The following RMND1 variants were observed in gnomAD, a reference collection of about 807,000 sequenced individuals.
The protein encoded by RMND1 is required for meiotic nuclear division 1 homolog.
A neutral mutation model predicts 54.0 loss-of-function variants in RMND1; 41 were observed. The observed-to-expected ratio is 0.76, with a 90% CI of 0.59 to 0.98. RMND1 has a LOEUF of 0.98. Among genes scored for constraint, RMND1 ranks in the 50% least tolerant of loss-of-function variants. RMND1 has a pLI of 0.00. For missense variants in RMND1, 457 were observed against 532.0 expected, an observed-to-expected ratio of 0.86 and a Z score of 1.39; for synonymous variants, 183 against 181.7, an observed-to-expected ratio of 1.01 and a Z score of -0.06.
intron 10 of RMND1, among the ~76,000 whole-genome samples, chr6:151,408,102 T>TG (rs1421682475): frequency 6.6e-6 from 1 of 151,548 alleles, no homozygotes; most frequent in East Asian, 1.9e-4. Context: ...GTGGGGTTAT[T>TG]GGGGGATGAA....
chr6:151,445,495 C>G lies in RMND1; in HGVS notation c.317G>C (p.Arg106Thr), dbSNP rs1363042587. 1.2e-6 allele frequency: 2 copies of G among 1,614,200 alleles called. No individual in the cohort carries two copies. Among genetic ancestry groups the G allele is most frequent in the Non-Finnish European group, 1.7e-6 (2 of 1,180,012 alleles). The change falls in exon 2 of 12, where the codon AGA becomes ACA. Residue 106 changes from arginine (R) to threonine (T), a missense_variant. Physicochemically the swap from Arg to Thr is moderately conservative, Grantham distance 71. Coordinates refer to ENST00000444024, the MANE Select transcript of RMND1 (RefSeq NM_017909.4). Reference sequence around the variant, plus strand: ...CAACAGATTTGGTTTGTGGGTCACTCTCCTGTGAGTACCAAAGGATTTCAT... The same window carrying G: ...CAACAGATTTGGTTTGTGGGTCACTGTCCTGTGAGTACCAAAGGATTTCAT... Reference protein sequence around the residue: ...PTMKSFGTHRRVTHKPNLLGS... With the variant: ...PTMKSFGTHRTVTHKPNLLGS...
chr6:151,449,266 G>C (rs1473558420), intron 1 of RMND1, among the ~76,000 whole-genome samples: 1 of 151,446 alleles, frequency 6.6e-6, no homozygotes, highest in African/African-American at 2.4e-5. Flanking sequence ...TTACTCGGGA[G>C]GCCAAGGCAG....
At chr6:151,412,204 G>GT (rs1779863714) in intron 10 of RMND1, among the ~76,000 whole-genome samples, 1 of 152,118 alleles carries the variant, frequency 6.6e-6, no homozygotes, top group Admixed American at 6.5e-5. Context: ...GTTTCACCAT[G>GT]TTAGCCACGC....
At chr6:151,410,932 A>G (rs1396473711) in intron 10 of RMND1, among the ~76,000 whole-genome samples, 1 of 152,104 alleles carries the variant, frequency 6.6e-6, no homozygotes, top group Non-Finnish European at 1.5e-5. Flanking sequence ...ATTCAGTTCT[A>G]GTTCTTCCTG....
At chr6:151,436,655 TC>T in intron 2 of RMND1, 101 bp from the exon 3 acceptor site, 1 of 1,106,682 alleles carries the variant, frequency 9.0e-7, no homozygotes, top group Non-Finnish European at 1.3e-6. Context: ...AAGCTAGAAC[TC>T]CAGAATTTTC....
chr6:151,436,869 A>C, intron 2 of RMND1: 1 of 191,910 alleles, frequency 5.2e-6, no homozygotes, highest in Non-Finnish European at 1.0e-5. Context: ...GAGATGATTA[A>C]GGCATCACAT....
At chr6:151,441,808 T>A (rs774786728) in intron 2 of RMND1, among the ~76,000 whole-genome samples, 3 of 152,098 alleles carry the variant, frequency 2.0e-5, no homozygotes, top group African/African-American at 7.2e-5. Context: ...ATACTTTATA[T>A]AAAAAACCCA....
intron 1 of RMND1, among the ~76,000 whole-genome samples, chr6:151,450,596 C>CCCGGCCAGCCGCCCCGT (rs1361498609): frequency 6.0e-4 from 88 of 146,416 alleles, no homozygotes; most frequent in African/African-American, 2.1e-3. Context: ...CAGCCCCCCG[C>CCCGGCCAGCCGCCCCGT]CCGGCCAGCC....
chr6:151,432,226 C>G (rs766801469), intron 4 of RMND1, among the ~76,000 whole-genome samples: 1 of 152,144 alleles, frequency 6.6e-6, no homozygotes, highest in Non-Finnish European at 1.5e-5. Flanking sequence ...CATAAGCCAC[C>G]GTGCCCAGCC....
chr6:151,406,957 G>A (rs991654599), intron 10 of RMND1, among the ~76,000 whole-genome samples: 29 of 151,930 alleles, frequency 1.9e-4, no homozygotes, highest in Non-Finnish European at 3.7e-4. Flanking sequence ...CTCAGGAGTT[G>A]GAGACCAGCC....
At chr6:151,429,347 C>G (rs1334898138) in intron 5 of RMND1, among the ~76,000 whole-genome samples, 1 of 152,178 alleles carries the variant, frequency 6.6e-6, no homozygotes, top group Non-Finnish European at 1.5e-5. Flanking sequence ...TCTCGAACTC[C>G]TGGCCTCAAG....
At chr6:151,431,610 G>A (rs1359834775) in intron 4 of RMND1, among the ~76,000 whole-genome samples, 1 of 152,184 alleles carries the variant, frequency 6.6e-6, no homozygotes, top group Admixed American at 6.5e-5. Context: ...GCTGTGCAAT[G>A]TGGTACTCAG....
At chr6:151,433,803 C>T (rs1780513004) in intron 3 of RMND1, among the ~76,000 whole-genome samples, 1 of 151,980 alleles carries the variant, frequency 6.6e-6, no homozygotes, top group African/African-American at 2.4e-5. Context: ...ACTGCAGCCA[C>T]CTGCAACTAT....
rs151235918 is a variant in RMND1, at chr6:151,407,689, C to T, written c.1201-1853G>A. On this transcript the variant is annotated intron_variant, in intron 10 of 11. Transcript: ENST00000444024. ...TCGGGAGGCTGGGGCAGGAGGATCACGAGGTCAGGAGATCAAGACCATCCT... is the reference window on the plus strand; with the variant it reads ...TCGGGAGGCTGGGGCAGGAGGATCATGAGGTCAGGAGATCAAGACCATCCT... Among the ~76,000 whole-genome samples, 60 of 152,140 alleles carry T rather than the reference C, an allele frequency of 3.9e-4. 1 individual carries two copies. In the East Asian group the frequency reaches 0.01, roughly 27 times the overall value.
chr6:151,428,067 G>A (rs1780352677), intron 5 of RMND1, among the ~76,000 whole-genome samples: 1 of 152,122 alleles, frequency 6.6e-6, no homozygotes, highest in Non-Finnish European at 1.5e-5. Context: ...GGTGGCGGTT[G>A]CAGTGAGCCA....
chr6:151,406,972 C>A (rs1779647035), intron 10 of RMND1, among the ~76,000 whole-genome samples: 1 of 151,942 alleles, frequency 6.6e-6, no homozygotes, highest in South Asian at 2.1e-4. Context: ...CCAGCCTGGG[C>A]AACACAGTGA....
intron 6 of RMND1, among the ~76,000 whole-genome samples, chr6:151,427,153 C>T (rs778369886): frequency 1.1e-4 from 16 of 151,840 alleles, no homozygotes; most frequent in African/African-American, 2.7e-4. Context: ...CTGAGGTGGG[C>T]GGATCACCAG....
intron 10 of RMND1, among the ~76,000 whole-genome samples, chr6:151,406,719 C>G (rs1458436971): frequency 6.6e-6 from 1 of 152,092 alleles, no homozygotes; most frequent in African/African-American, 2.4e-5. Flanking sequence ...ATCCTGAAAG[C>G]AAAATTTTAA....
In RMND1 at chr6:151,405,133, G is replaced by A. The variant is rs976866345; in HGVS notation, c.*102C>T. On this transcript the variant is annotated 3_prime_UTR_variant, in exon 12 of 12. Coordinates refer to ENST00000444024, the MANE Select transcript of RMND1 (RefSeq NM_017909.4). Reference sequence around the variant, plus strand: ...AAGCCACCCTTCTTGGCCTCCGAAAGTGCTGGGATTACAGGCATGAGGCAC... The same window carrying A: ...AAGCCACCCTTCTTGGCCTCCGAAAATGCTGGGATTACAGGCATGAGGCAC... The A allele has an allele frequency of 3.0e-6, 3 of 1,015,656 alleles. No homozygotes were observed. The highest frequency in any genetic ancestry group is 2.5e-5 in the East Asian group (1 of 40,660). 62.9% of individuals were successfully genotyped at this position (1,015,656 alleles called of 1,614,324 possible).
Sources: gnomAD v4.1 joint callset for allele counts (sites outside exome capture counted in the v4.1 genomes callset) on GRCh38, gnomAD v4.1.1 for gene constraint, MANE v1.5 for transcripts, NCBI Gene and HGNC (gene_info 2026-07-23, HGNC 2026-07-21) for gene names.